CPQ: variants seen among roughly 807,000 people sequenced by gnomAD.
The protein encoded by CPQ is carboxypeptidase Q.
In CPQ, 37 loss-of-function variants were observed where a neutral mutation model predicts 45.7. The observed-to-expected ratio is 0.81, with a 90% CI of 0.62 to 1.07. The LOEUF (loss-of-function observed/expected upper bound fraction) is 1.07, where lower values mean the gene tolerates loss of function less well. CPQ is among the 50% of genes least tolerant of loss of function. The pLI is 0.00. For missense variants in CPQ, 537 were observed against 572.9 expected (o/e 0.94, Z 0.64); for synonymous variants, 186 against 205.8 (o/e 0.90, Z 0.82).
intron 1 of CPQ, among the ~76,000 whole-genome samples, chr8:96,697,937 T>C (rs1809407146): frequency 6.6e-6 from 1 of 152,096 alleles, no homozygotes; most frequent in African/African-American, 2.4e-5. Context: ...TCCAAAGCAA[T>C]CTGCAGAATT....
chr8:96,916,505 A>C (rs1812734697), intron 4 of CPQ, among the ~76,000 whole-genome samples: 1 of 152,152 alleles, frequency 6.6e-6, no homozygotes, highest in Non-Finnish European at 1.5e-5. Flanking sequence ...ATTTTAGAAT[A>C]GTTTTAAATT....
At chr8:97,046,504 A>G (rs1810259236) in intron 6 of CPQ, among the ~76,000 whole-genome samples, 1 of 152,234 alleles carries the variant, frequency 6.6e-6, no homozygotes, top group Admixed American at 6.5e-5. Context: ...GAGCTTAACA[A>G]GGCCTTTCAA....
intron 6 of CPQ, among the ~76,000 whole-genome samples, chr8:97,041,767 G>C (rs1402555601): frequency 6.6e-6 from 1 of 152,148 alleles, no homozygotes; most frequent in African/African-American, 2.4e-5. Flanking sequence ...CTTTGGTTCT[G>C]TTTATATGCT....
At chr8:96,916,353 T>C (rs540328455) in intron 4 of CPQ, among the ~76,000 whole-genome samples, 148 of 152,242 alleles carry the variant, frequency 9.7e-4, no homozygotes, top group African/African-American at 3.4e-3. Flanking sequence ...ATCATAGATA[T>C]GAATTAAACC....
intron 1 of CPQ, among the ~76,000 whole-genome samples, chr8:96,767,195 G>A (rs149578616): frequency 4.6e-4 from 70 of 152,256 alleles, no homozygotes; most frequent in African/African-American, 1.5e-3. Context: ...AACGCACTAC[G>A]TTTAGGAAGT....
chr8:96,667,686 C>T (rs1808944748), intron 1 of CPQ, among the ~76,000 whole-genome samples: 1 of 152,112 alleles, frequency 6.6e-6, no homozygotes, highest in African/African-American at 2.4e-5. Context: ...CGTCGCCACA[C>T]TTAGGCCAAG....
chr8:96,675,390 T>C (rs1253575982), intron 1 of CPQ, among the ~76,000 whole-genome samples: 1 of 152,124 alleles, frequency 6.6e-6, no homozygotes, highest in African/African-American at 2.4e-5. Flanking sequence ...CTACTTCTAC[T>C]GCATTCTTTT....
At chr8:96,695,009 T>G (rs1386043211) in intron 1 of CPQ, among the ~76,000 whole-genome samples, 1 of 151,890 alleles carries the variant, frequency 6.6e-6, no homozygotes, top group Non-Finnish European at 1.5e-5. Flanking sequence ...AGAACAAAGC[T>G]GGAGGCATCA....
intron 4 of CPQ, among the ~76,000 whole-genome samples, chr8:96,931,844 T>C (rs1231984475): frequency 3.3e-5 from 5 of 152,282 alleles, no homozygotes; most frequent in Admixed American, 2.6e-4. Context: ...CATCTTGATA[T>C]GGTGAAAGAT....
Position 97,111,063 on chromosome 8 carries a change from C to T in CPQ, c.1256-31957C>T, listed in dbSNP as rs757167483. On this transcript the variant is annotated intron_variant, in intron 7 of 7. Coordinates refer to ENST00000220763, the MANE Select transcript of CPQ (RefSeq NM_016134.4). ...AGCCTTTTGAAGCTGGGTAAATGAGCCATTGATCTTACCTGTGGAACACCG... is the reference window on the plus strand; with the variant it reads ...AGCCTTTTGAAGCTGGGTAAATGAGTCATTGATCTTACCTGTGGAACACCG... 1.1e-3 allele frequency among the ~76,000 whole-genome samples: 171 copies of T among 152,256 alleles called. 2 individuals are homozygous for T. Among genetic ancestry groups the T allele is most frequent in the Middle Eastern group, 3.4e-3 (1 of 294 alleles).
chr8:96,854,557 A>AAAAAAAAAAAAAAAAACAC lies in CPQ; in HGVS notation c.641+19379_641+19380insAAAAAAAAAAAAAACACAA, dbSNP rs1554573253. On this transcript the variant is annotated intron_variant, in intron 3 of 7. Transcript: ENST00000220763. ...AAAAAAAAAAAAAAAAAAAAAAAAA[A>AAAAAAAAAAAAAAAAACAC]AATGTGGTGGAACTAAAAGCCCAGT... is the stretch of plus-strand genomic sequence containing the variant. 9.1e-5 allele frequency among the ~76,000 whole-genome samples: 7 copies of AAAAAAAAAAAAAAAAACAC among 76,886 alleles called. 3 individuals are homozygous for AAAAAAAAAAAAAAAAACAC. Among genetic ancestry groups the AAAAAAAAAAAAAAAAACAC allele is most frequent in the South Asian group, 7.5e-4 (2 of 2,666 alleles). The allele number at this position is 76,886 out of a possible 152,430, so 50.4% of individuals were successfully genotyped here.
intron 1 of CPQ, among the ~76,000 whole-genome samples, chr8:96,733,570 T>G (rs542301151): frequency 1.3e-5 from 2 of 152,282 alleles, no homozygotes; most frequent in South Asian, 2.1e-4. Context: ...CAAATAGAAA[T>G]ACAGTGTAAG....
chr8:96,880,416 C>T (rs1369442302), intron 4 of CPQ, among the ~76,000 whole-genome samples: 1 of 151,114 alleles, frequency 6.6e-6, no homozygotes, highest in East Asian at 1.9e-4. Context: ...AAAATGATAC[C>T]TGCACTCACA....
intron 4 of CPQ, among the ~76,000 whole-genome samples, chr8:96,890,634 C>T (rs922162182): frequency 6.6e-6 from 1 of 152,118 alleles, no homozygotes; most frequent in African/African-American, 2.4e-5. Context: ...GATCAGTTGC[C>T]CCGGCCAACA....
intron 4 of CPQ, among the ~76,000 whole-genome samples, chr8:96,898,469 G>C (rs138282266): frequency 6.6e-6 from 1 of 152,024 alleles, no homozygotes; most frequent in Non-Finnish European, 1.5e-5. Context: ...AAGTGCTTGC[G>C]AAGAATATCC....
Position 96,765,638 on chromosome 8 carries a change from A to G in CPQ, c.-34-19226A>G, listed in dbSNP as rs539567860. Among the ~76,000 whole-genome samples, 5 of 152,336 alleles carry G rather than the reference A, an allele frequency of 3.3e-5. No individual in the cohort carries two copies. The East Asian group carries it at 9.6e-4, about 29-fold the overall frequency. The stretch of plus-strand genomic sequence containing the variant: ...TCACAGGTCCAAACCCATGTTCCAC[A>G]TAGTAGTATTATAATAGCACCATGG... On this transcript the variant is annotated intron_variant, in intron 1 of 7. Transcript: ENST00000220763.
At chr8:97,090,318 C>G (rs1811107439) in intron 7 of CPQ, among the ~76,000 whole-genome samples, 1 of 152,172 alleles carries the variant, frequency 6.6e-6, no homozygotes, top group Admixed American at 6.5e-5. Context: ...CGAGGCACTA[C>G]CTGTAAAAAT....
intron 1 of CPQ, among the ~76,000 whole-genome samples, chr8:96,730,768 T>A (rs1355847866): frequency 6.6e-6 from 1 of 150,988 alleles, no homozygotes; most frequent in Non-Finnish European, 1.5e-5. Context: ...TTGTCTCAGG[T>A]GTGGCCAGGG....
chr8:97,090,626 C>T (rs1213387101), intron 7 of CPQ, among the ~76,000 whole-genome samples: 1 of 152,070 alleles, frequency 6.6e-6, no homozygotes, highest in Non-Finnish European at 1.5e-5. Context: ...GGAGATCAAC[C>T]ATATTTGACT....
Sources: gnomAD v4.1 joint callset for allele counts (sites outside exome capture counted in the v4.1 genomes callset) on GRCh38, gnomAD v4.1.1 for gene constraint, MANE v1.5 for transcripts, NCBI Gene and HGNC (gene_info 2026-07-23, HGNC 2026-07-21) for gene names.